The following PIGN variants were observed in gnomAD, a reference collection of about 807,000 sequenced individuals.
PIGN encodes GPI ethanolamine phosphate transferase 1.
Under a neutral mutation model 125.4 loss-of-function variants are expected in PIGN, and 117 were observed. The observed-to-expected ratio is 0.93, with a 90% CI of 0.80 to 1.09. PIGN has a LOEUF of 1.09. PIGN is among the 50% of genes least tolerant of loss of function. The pLI, the probability that PIGN is intolerant of heterozygous loss-of-function variation, is 0.00. For synonymous variants in PIGN, 392 were observed against 377.8 expected (o/e 1.04, Z -0.44); for missense variants, 1,075 against 1,094.9 (o/e 0.98, Z 0.26).
intron 23 of PIGN, among the ~76,000 whole-genome samples, chr18:62,029,424 T>C (rs764586701): frequency 2.0e-5 from 3 of 152,026 alleles, no homozygotes; most frequent in Non-Finnish European, 4.4e-5. Flanking sequence ...AGGGCTCAGG[T>C]AGGTAAAGAT....
In PIGN at chr18:62,107,022, C is replaced by T. The variant is rs1316985560; in HGVS notation, c.1638G>A (p.Gly546=). 13 of 1,591,010 alleles carry T rather than the reference C, an allele frequency of 8.2e-6. No individual in the cohort carries two copies. Among genetic ancestry groups the T allele is most frequent in the African/African-American group, 1.3e-5 (1 of 74,322 alleles). ...VLTYPLSHFV[G]YLLAFTLGIE... is the part of the protein sequence containing the mutation. The stretch of plus-strand genomic sequence containing the variant: ...TTCCCAGGGTAAAGGCTAACAGGTA[C>T]CCAACAAAATGGCTCAGAGGATAGG... Residue 546 remains glycine (G), a synonymous_variant, in exon 18 of 31, where the codon GGG becomes GGA. Transcript: ENST00000640252.
intron 14 of PIGN, among the ~76,000 whole-genome samples, chr18:62,119,712 T>C (rs934290951): frequency 6.6e-6 from 1 of 151,850 alleles, no homozygotes; most frequent in Admixed American, 6.6e-5. Flanking sequence ...GGTGTGGTGA[T>C]GCATGCCTTT....
chr18:62,098,431 T>C (rs2034299472), intron 22 of PIGN, among the ~76,000 whole-genome samples: 1 of 151,992 alleles, frequency 6.6e-6, no homozygotes, highest in African/African-American at 2.4e-5. Context: ...TGTTAAGAAA[T>C]AAAAAAATAA....
intron 28 of PIGN, among the ~76,000 whole-genome samples, chr18:62,076,308 A>T (rs1025157092): frequency 3.3e-5 from 5 of 152,096 alleles, no homozygotes; most frequent in Non-Finnish European, 7.4e-5. Context: ...TGCCATCTGT[A>T]TATCTTCTTC....
At chr18:62,065,908 G>C (rs1164659405) in intron 30 of PIGN, among the ~76,000 whole-genome samples, 1 of 152,192 alleles carries the variant, frequency 6.6e-6, no homozygotes, top group African/African-American at 2.4e-5. Context: ...GGTAAGCAAA[G>C]GGGATGCTGC....
At chr18:62,114,803 C>CA (rs1341025020) in intron 14 of PIGN, among the ~76,000 whole-genome samples, 164 bp from the exon 15 acceptor site, 5 of 152,128 alleles carry the variant, frequency 3.3e-5, no homozygotes, top group African/African-American at 1.2e-4. Context: ...CTGAAGTCTT[C>CA]CAAGAAATAG....
rs150480373 is a variant in PIGN, at chr18:62,170,532, T to C, written c.-235-6876A>G. ...GCAAACTTAATAAATGTGTGTGTTC[T>C]GACGGTTCCACCAACTGGCCATCCC... On this transcript the variant is annotated intron_variant, in intron 1 of 30. Transcript: ENST00000640252. Among the ~76,000 whole-genome samples, 1,329 of 152,346 alleles carry C rather than the reference T, an allele frequency of 8.7e-3. 14 individuals are homozygous for C. Among genetic ancestry groups the C allele is most frequent in the Middle Eastern group, 0.014 (4 of 294 alleles).
At chr18:62,174,543 T>G (rs1041944897) in intron 1 of PIGN, 2 of 152,222 alleles carry the variant, frequency 1.3e-5, no homozygotes, top group African/African-American at 4.8e-5. Context: ...CTCATACTGT[T>G]ATTTAATATG....
intron 1 of PIGN, among the ~76,000 whole-genome samples, chr18:62,176,252 C>T (rs2037522046): frequency 6.6e-6 from 1 of 151,832 alleles, no homozygotes; most frequent in Non-Finnish European, 1.5e-5. Context: ...TTTAGAATCC[C>T]ATATCTCTTT....
intron 1 of PIGN, among the ~76,000 whole-genome samples, chr18:62,185,746 A>G (rs2037924320): frequency 2.1e-5 from 1 of 47,072 alleles, no homozygotes; most frequent in Non-Finnish European, 5.3e-5. Context: ...AAGAAATAGC[A>G]GTCTAATTGT....
chr18:62,105,344 C>T (rs1286849225), intron 20 of PIGN, 199 bp downstream of exon 20: 2 of 348,620 alleles, frequency 5.7e-6, no homozygotes, highest in African/African-American at 2.1e-5. Context: ...TATGAAAGCC[C>T]GAAAGCACCT....
intron 23 of PIGN, among the ~76,000 whole-genome samples, chr18:62,033,383 T>C (rs1304275302): frequency 6.6e-6 from 1 of 152,198 alleles, no homozygotes; most frequent in Non-Finnish European, 1.5e-5. Context: ...ATAAAAAAAC[T>C]GCACCACTTC....
chr18:62,048,560 T>C (rs1250700390), intron 30 of PIGN, among the ~76,000 whole-genome samples: 1 of 151,446 alleles, frequency 6.6e-6, no homozygotes, highest in Non-Finnish European at 1.5e-5. Context: ...GAAAAATAAC[T>C]GTCAACCCAG....
chr18:62,146,922 T>G (rs2036350930), intron 9 of PIGN, 49 bp downstream of exon 9: 1 of 1,575,192 alleles, frequency 6.3e-7, no homozygotes. Context: ...CCAGCTACAT[T>G]TATCACTACT....
chr18:62,075,019 T>C (rs2033100514), intron 28 of PIGN, 198 bp from the exon 29 acceptor site: 1 of 431,188 alleles, frequency 2.3e-6, no homozygotes, highest in African/African-American at 2.0e-5. Context: ...AAATGTGTTA[T>C]TAAGTGCTCT....
chr18:62,182,149 T>C (rs377135002), intron 1 of PIGN, among the ~76,000 whole-genome samples: 10 of 152,216 alleles, frequency 6.6e-5, no homozygotes, highest in African/African-American at 2.4e-4. Flanking sequence ...TTGGAGTTAC[T>C]CAAAACTTGG....
chr18:62,115,211 C>T (rs1302784107), intron 14 of PIGN, among the ~76,000 whole-genome samples: 4 of 152,124 alleles, frequency 2.6e-5, no homozygotes, highest in Non-Finnish European at 5.9e-5. Context: ...CACCATTTCC[C>T]TATCCTGTTT....
At chr18:62,150,126 C>T (rs1270484140) in intron 7 of PIGN, among the ~76,000 whole-genome samples, 3 of 152,102 alleles carry the variant, frequency 2.0e-5, no homozygotes, top group African/African-American at 7.2e-5. Flanking sequence ...GGATTTCAGA[C>T]ATGCACCACC....
At chr18:62,065,190 C>A (rs1005689943) in intron 30 of PIGN, among the ~76,000 whole-genome samples, 2 of 152,112 alleles carry the variant, frequency 1.3e-5, no homozygotes, top group Admixed American at 6.5e-5. Flanking sequence ...CTTTCTCTTT[C>A]TCTTTCCTAT....
Sources: allele counts gnomAD v4.1 joint callset (sites outside exome capture counted in the v4.1 genomes callset), GRCh38; gene constraint gnomAD v4.1.1; transcripts MANE v1.5; gene names NCBI Gene and HGNC (gene_info 2026-07-23, HGNC 2026-07-21).